The following GRM8 variants were observed in gnomAD, a reference collection of about 807,000 sequenced individuals.
The protein encoded by GRM8 is metabotropic glutamate receptor 8.
GRM8 carries 47 observed loss-of-function variants against 87.2 expected under a neutral mutation model. The ratio of observed to expected loss-of-function variants is 0.54; its 90% CI spans 0.43 to 0.69. The LOEUF (loss-of-function observed/expected upper bound fraction) is 0.69, where lower values mean the gene tolerates loss of function less well. GRM8 is among the 30% of genes least tolerant of loss of function. The pLI is 0.00. For synonymous variants in GRM8, 396 were observed against 404.5 expected, an observed-to-expected ratio of 0.98 and a Z score of 0.25; for missense variants, 1,019 against 1,139.2, an observed-to-expected ratio of 0.89 and a Z score of 1.52.
At chr7:127,187,406 G>A (rs919500644) in intron 2 of GRM8, among the ~76,000 whole-genome samples, 1 of 143,936 alleles carries the variant, frequency 6.9e-6, no homozygotes, top group Non-Finnish European at 1.6e-5. Flanking sequence ...AAAGCAAGCA[G>A]GAGTGGTTTT....
At chr7:127,211,621 G>T (rs952775885) in intron 2 of GRM8, among the ~76,000 whole-genome samples, 1 of 152,172 alleles carries the variant, frequency 6.6e-6, no homozygotes, top group Non-Finnish European at 1.5e-5. Context: ...TTATTAAGAG[G>T]TGAGGACTCT....
chr7:127,232,901 G>A (rs914176862), intron 2 of GRM8, among the ~76,000 whole-genome samples: 14 of 152,026 alleles, frequency 9.2e-5, no homozygotes, highest in Non-Finnish European at 2.1e-4. Context: ...GCAGTGGCGC[G>A]ATCTTGGCTC....
intron 3 of GRM8, among the ~76,000 whole-genome samples, chr7:127,079,375 G>A (rs916898965): frequency 3.9e-5 from 6 of 152,190 alleles, no homozygotes; most frequent in African/African-American, 1.4e-4. Flanking sequence ...ACCCACCTCA[G>A]CCTCCCAAAG....
intron 7 of GRM8, among the ~76,000 whole-genome samples, chr7:126,761,728 C>T (rs1817605799): frequency 6.6e-6 from 1 of 152,218 alleles, no homozygotes; most frequent in Non-Finnish European, 1.5e-5. Flanking sequence ...CCCACAACCA[C>T]TGTGTTACAT....
intron 9 of GRM8, among the ~76,000 whole-genome samples, chr7:126,497,737 G>A (rs771464120): frequency 2.0e-5 from 3 of 151,918 alleles, no homozygotes; most frequent in Non-Finnish European, 2.9e-5. Context: ...GCATTGCAAC[G>A]TTGGGTTAAA....
intron 9 of GRM8, among the ~76,000 whole-genome samples, chr7:126,449,627 G>A (rs1802401500): frequency 6.6e-6 from 1 of 151,814 alleles, no homozygotes; most frequent in Admixed American, 6.6e-5. Context: ...AATGTAGACA[G>A]AATAAAATTT....
intron 7 of GRM8, among the ~76,000 whole-genome samples, chr7:126,761,381 G>C (rs746171833): frequency 1.3e-5 from 2 of 152,088 alleles, no homozygotes; most frequent in Non-Finnish European, 2.9e-5. Flanking sequence ...ACAGTACCTA[G>C]AACAGAGTCA....
chr7:126,704,628 C>T (rs543306157), intron 7 of GRM8, among the ~76,000 whole-genome samples: 12 of 152,180 alleles, frequency 7.9e-5, no homozygotes, highest in South Asian at 2.1e-4. Flanking sequence ...AAAGAGAATG[C>T]GCCCCTGAGG....
intron 6 of GRM8, among the ~76,000 whole-genome samples, chr7:126,836,105 T>C (rs1795808569): frequency 6.6e-6 from 1 of 152,104 alleles, no homozygotes; most frequent in Admixed American, 6.5e-5. Flanking sequence ...TCTCAAAATA[T>C]AAGATGAATT....
chr7:126,617,359 T>A (rs1485585957), intron 7 of GRM8, among the ~76,000 whole-genome samples: 7 of 152,288 alleles, frequency 4.6e-5, no homozygotes, highest in Admixed American at 4.6e-4. Context: ...GTAAATTAGG[T>A]ATTGATGGGA....
chr7:126,802,790 A>C (rs76467408), intron 6 of GRM8, among the ~76,000 whole-genome samples: 4,801 of 152,278 alleles, frequency 0.032, 258 homozygotes, highest in African/African-American at 0.1. Flanking sequence ...CCACAAAATT[A>C]AAGTTTTAAA....
intron 8 of GRM8, among the ~76,000 whole-genome samples, chr7:126,565,446 C>T (rs1035883152): frequency 3.3e-5 from 5 of 151,984 alleles, no homozygotes; most frequent in Admixed American, 1.3e-4. Flanking sequence ...GTCTCACTTA[C>T]AATAGCATCA....
At chr7:126,445,216 A>T (rs1483173306) in intron 10 of GRM8, 2 of 152,072 alleles carry the variant, frequency 1.3e-5, no homozygotes, top group African/African-American at 4.8e-5. Context: ...AAAGACTGGA[A>T]GCCACTCTAA....
At chr7:126,553,768 G>T (rs1792847901) in intron 8 of GRM8, among the ~76,000 whole-genome samples, 1 of 152,152 alleles carries the variant, frequency 6.6e-6, no homozygotes. Flanking sequence ...CATCTCAAGA[G>T]ATTTGTTAGG....
At chr7:126,584,266 C>T (rs1255649273) in intron 8 of GRM8, among the ~76,000 whole-genome samples, 1 of 151,634 alleles carries the variant, frequency 6.6e-6, no homozygotes, top group Non-Finnish European at 1.5e-5. Context: ...CACACCATAA[C>T]CCAGGCTGGA....
At chr7:126,525,145 G>A (rs775773674) in intron 9 of GRM8, among the ~76,000 whole-genome samples, 1 of 152,098 alleles carries the variant, frequency 6.6e-6, no homozygotes, top group Non-Finnish European at 1.5e-5. Context: ...GTTTGAGAGG[G>A]CTGACTATGA....
At chr7:126,590,927 C>T (rs1376108013) in intron 8 of GRM8, among the ~76,000 whole-genome samples, 2 of 151,964 alleles carry the variant, frequency 1.3e-5, no homozygotes, top group Non-Finnish European at 2.9e-5. Context: ...ATCCTTAAAG[C>T]ATAAATTTCA....
At chr7:126,615,252 G>T (rs1239883320) in intron 7 of GRM8, among the ~76,000 whole-genome samples, 1 of 152,108 alleles carries the variant, frequency 6.6e-6, no homozygotes, top group African/African-American at 2.4e-5. Context: ...TTTCAACCCA[G>T]AATTTCATAT....
Position 126,450,931 on chromosome 7 carries a change from T to G in GRM8, c.2431-4559A>C, listed in dbSNP as rs114578395. ...GCTGATCATATTAGAATTACACCCT[T>G]AAACCAAGACAAGCTTCATGGGTGT... On this transcript the variant is annotated intron_variant, in intron 9 of 10. Coordinates refer to ENST00000339582, the MANE Select transcript of GRM8 (RefSeq NM_000845.3). Among the ~76,000 whole-genome samples, 501 of 151,982 alleles carry G rather than the reference T, an allele frequency of 3.3e-3. 3 individuals are homozygous for G. The highest frequency in any genetic ancestry group is 0.011 in the African/African-American group (474 of 41,540).
Sources: gnomAD v4.1 joint callset for allele counts (sites outside exome capture counted in the v4.1 genomes callset) on GRCh38, gnomAD v4.1.1 for gene constraint, MANE v1.5 for transcripts, NCBI Gene and HGNC (gene_info 2026-07-23, HGNC 2026-07-21) for gene names.